Variants in LMTK3 observed in about 807,000 individuals in gnomAD.
The protein encoded by LMTK3 is serine/threonine-protein kinase LMTK3.
A neutral mutation model predicts 116.7 loss-of-function variants in LMTK3; 27 were observed. The observed-to-expected ratio is 0.23, with a 90% CI of 0.17 to 0.32. The LOEUF (loss-of-function observed/expected upper bound fraction) is 0.32. LMTK3 is among the 10% of genes least tolerant of loss of function. The probability of loss-of-function intolerance (pLI) is 1.00; values close to 1 mark genes in which losing one functional copy is unlikely to be tolerated. For missense variants in LMTK3, 1,764 were observed against 2,068.5 expected (o/e 0.85, Z 2.86); for synonymous variants, 965 against 971.0 (o/e 0.99, Z 0.11).
intron 5 of LMTK3, among the ~76,000 whole-genome samples, chr19:48,503,853 T>C (rs1428649371): frequency 2.0e-5 from 3 of 150,800 alleles, no homozygotes; most frequent in East Asian, 2.0e-4. Context: ...CTTCCTTCCT[T>C]CCTCCCTCCC....
chr19:48,494,144 G>A lies in LMTK3; in HGVS notation c.3677-35C>T, dbSNP rs1005436109. On this transcript the variant is annotated intron_variant, in intron 11 of 14. Transcript: ENST00000600059. The surrounding 1 kb of genome is among the most constrained non-coding windows in gnomAD (Gnocchi z 4.0). Reference sequence around the variant, plus strand: ...GAGAGACCTGGTGAGCCCCTGTCCCGGTGAAACTGAGGCAGGCCCTCCCAC... The same window carrying A: ...GAGAGACCTGGTGAGCCCCTGTCCCAGTGAAACTGAGGCAGGCCCTCCCAC... 3 of 1,150,628 alleles carry A rather than the reference G, an allele frequency of 2.6e-6. No homozygotes were observed. In the Admixed American group the frequency reaches 1.4e-4, roughly 54 times the overall value. 71.3% of individuals were successfully genotyped at this position (1,150,628 alleles called of 1,614,324 possible).
At position 48,494,143 on chromosome 19, in the gene LMTK3, C is replaced by A; in HGVS notation, c.3677-34G>T. 1 of 1,157,344 alleles carries A rather than the reference C, an allele frequency of 8.6e-7. No homozygotes were observed. Among genetic ancestry groups the A allele is most frequent in the South Asian group, 4.3e-5 (1 of 23,288 alleles). The allele number at this position is 1,157,344 out of a possible 1,614,324, so 71.7% of individuals were successfully genotyped here. On this transcript the variant is annotated intron_variant, in intron 11 of 14. Transcript: ENST00000600059. The surrounding 1 kb of genome is among the most constrained non-coding windows in gnomAD (Gnocchi z 4.0). ...GGAGAGACCTGGTGAGCCCCTGTCC[C>A]GGTGAAACTGAGGCAGGCCCTCCCA...
Position 48,497,460 on chromosome 19 carries a change from C to G in LMTK3, c.3609G>C (p.Lys1203Asn), listed in dbSNP as rs1217260104. 7.2e-6 allele frequency: 11 copies of G among 1,529,188 alleles called. No individual in the cohort carries two copies. Among genetic ancestry groups the G allele is most frequent in the Non-Finnish European group, 9.6e-6 (11 of 1,141,740 alleles). 94.7% of individuals were successfully genotyped at this position (1,529,188 alleles called of 1,614,324 possible). The change falls in exon 11 of 15, where the codon AAG (lysine) becomes AAC (asparagine). Residue 1203 changes from lysine (K) to asparagine (N), a missense_variant. Physicochemically the swap from Lys to Asn is moderately conservative, Grantham distance 94. Around this residue, in one of 7 missense-constraint regions of LMTK3, gnomAD observed 1,028 missense variants for 1,050.6 expected, o/e 0.98. Coordinates refer to ENST00000600059, the MANE Select transcript of LMTK3 (RefSeq NM_001388485.1). This position sits in a 1 kb window ranked among gnomAD's most constrained non-coding sequence, Gnocchi z 5.7. ...GDGDPPKPER[K>N]GPEMPRLFLD... ...AGAATAGTCGTGGCATCTCGGGGCC[C>G]TTCCTCTCGGGCTTGGGGGGGTCCC...
chr19:48,504,123 C>T (rs919603426), intron 5 of LMTK3, among the ~76,000 whole-genome samples: 2 of 152,188 alleles, frequency 1.3e-5, no homozygotes, highest in Non-Finnish European at 2.9e-5. Context: ...CCGCCTCAGC[C>T]TCCCAAAGTG....
intron 14 of LMTK3, among the ~76,000 whole-genome samples, chr19:48,490,240 CTGGCCAGGCCCGG>C (rs1244679410): frequency 6.6e-6 from 1 of 152,126 alleles, no homozygotes; most frequent in Non-Finnish European, 1.5e-5. Context: ...TGGGACCAGA[CTGGCCAGGCCCGG>C]TGGCTCACGC....
rs1292433513 is a variant in LMTK3, at chr19:48,499,161, C to T, written c.1908G>A (p.Pro636=). Residue 636 remains proline (P), a synonymous_variant, in exon 11 of 15, where the codon CCG becomes CCA. Transcript: ENST00000600059. ...AEVLGERGTA[P]WVEEEEEEEE... The stretch of plus-strand genomic sequence containing the variant: ...CCTCCTCCTCTTCTTCTTCCACCCA[C>T]GGGGCGGTCCCCCGCTCCCCCAAGA... 5.9e-6 allele frequency: 9 copies of T among 1,512,892 alleles called. No homozygotes were observed. The highest frequency in any genetic ancestry group is 7.1e-6 in the Non-Finnish European group (8 of 1,130,308). 93.7% of individuals were successfully genotyped at this position (1,512,892 alleles called of 1,614,324 possible).
chr19:48,502,864 T>C (rs1408145090), intron 6 of LMTK3, 45 bp downstream of exon 6: 2 of 1,434,280 alleles, frequency 1.4e-6, no homozygotes, highest in South Asian at 2.4e-5. Flanking sequence ...CCCGGCCTTG[T>C]CCAGCTGCCC....
At position 48,503,015 on chromosome 19, in the gene LMTK3, G is replaced by A. The variant is rs962881061; in HGVS notation, c.558-19C>T. 3.9e-6 allele frequency: 6 copies of A among 1,556,026 alleles called. No homozygotes were observed. Among genetic ancestry groups the A allele is most frequent in the Non-Finnish European group, 4.4e-6 (5 of 1,130,180 alleles). ...CAGGCTCCTGTGGAGTGAGGAGGTG[G>A]CTGAGTTGGGAAGGCAGCCCCTTCC... On this transcript the variant is annotated intron_variant, in intron 5 of 14. Transcript: ENST00000600059.
At chr19:48,493,335 C>T (rs553902266) in intron 12 of LMTK3, among the ~76,000 whole-genome samples, 6 of 147,646 alleles carry the variant, frequency 4.1e-5, no homozygotes, top group Non-Finnish European at 9.0e-5. Flanking sequence ...GGCTCCGCCC[C>T]CCAGCCCGCC....
rs759461680 is a variant in LMTK3, at chr19:48,497,689, G to C, written c.3380C>G (p.Pro1127Arg). 11 of 1,315,112 alleles carry C rather than the reference G, an allele frequency of 8.4e-6. No homozygotes were observed. Among genetic ancestry groups the C allele is most frequent in the Middle Eastern group, 2.2e-4 (1 of 4,612 alleles). 81.5% of individuals were successfully genotyped at this position (1,315,112 alleles called of 1,614,324 possible). A position where few individuals can be genotyped will look rare whatever the true frequency, so the allele number is the denominator to read the frequency against. ...GGCCTTTGCGTCCACGCCGCTTCCG[G>C]GGCCGCCGCCGGGGGCCGTCCCCGT... ...VGTGTAPGGG[P>R]GSGVDAKAGW... The change falls in exon 11 of 15, where the codon CCC becomes CGC. Residue 1127 changes from proline (P) to arginine (R), a missense_variant. By Grantham distance (103) the Pro-to-Arg change is moderately radical (BLOSUM62 -2). Around this residue, in one of 7 missense-constraint regions of LMTK3, gnomAD observed 1,028 missense variants for 1,050.6 expected, o/e 0.98. Coordinates refer to ENST00000600059, the MANE Select transcript of LMTK3 (RefSeq NM_001388485.1). The surrounding 1 kb of genome is among the most constrained non-coding windows in gnomAD (Gnocchi z 5.7).
intron 5 of LMTK3, among the ~76,000 whole-genome samples, chr19:48,507,529 T>A (rs1972591021): frequency 6.6e-6 from 1 of 152,238 alleles, no homozygotes; most frequent in Admixed American, 6.5e-5. Flanking sequence ...CACAGGTGGC[T>A]ATTGAGCACT....
Position 48,498,783 on chromosome 19 carries a change from G to T in LMTK3, c.2286C>A (p.Ala762=). ...APPPPPPPPR[A]PADPAASPDP... ...CGGGGGACGCGGCCGGGTCCGCGGG[G>T]GCCCGAGGAGGTGGCGGCGGGGGGG... is the stretch of plus-strand genomic sequence containing the variant. The change falls in exon 11 of 15, where the codon GCC becomes GCA. Residue 762 remains alanine, a synonymous_variant. Transcript: ENST00000600059. 2.3e-6 allele frequency: 3 copies of T among 1,310,930 alleles called. No homozygotes were observed. Among genetic ancestry groups the T allele is most frequent in the Non-Finnish European group, 3.0e-6 (3 of 1,010,830 alleles). The allele number at this position is 1,310,930 out of a possible 1,614,324, so 81.2% of individuals were successfully genotyped here.
intron 14 of LMTK3, among the ~76,000 whole-genome samples, chr19:48,490,402 T>G (rs1972201153): frequency 6.6e-6 from 1 of 151,938 alleles, no homozygotes; most frequent in Non-Finnish European, 1.5e-5. Flanking sequence ...GGTGCACTCC[T>G]GTGAACCCAG....
rs540231799 is a variant in LMTK3 at position 48,485,660 on chromosome 19, G to A, written c.*113C>T. 3.1e-4 allele frequency: 376 copies of A among 1,195,272 alleles called. No homozygotes were observed. The highest frequency in any genetic ancestry group is 1.3e-3 in the Middle Eastern group (5 of 3,864). The allele number at this position is 1,195,272 out of a possible 1,614,324, so 74.0% of individuals were successfully genotyped here. ...AGTGGGAGGGGGAGGGCCCAGCCTC[G>A]GGGGCCTCCCCAGAGGCGGCGTCTG... On this transcript the variant is annotated 3_prime_UTR_variant, in exon 15 of 15. Transcript: ENST00000600059.
intron 5 of LMTK3, among the ~76,000 whole-genome samples, chr19:48,503,961 G>A (rs957866571): frequency 2.7e-5 from 4 of 147,334 alleles, no homozygotes; most frequent in South Asian, 2.4e-4. Flanking sequence ...TCCACCTCCC[G>A]GGTTCAAGCG....
chr19:48,507,946 G>A (rs375670447), intron 5 of LMTK3, among the ~76,000 whole-genome samples: 27 of 152,182 alleles, frequency 1.8e-4, no homozygotes, highest in African/African-American at 5.6e-4. Context: ...TGGAAGGAGG[G>A]GAGGAGTAAG....
intron 2 of LMTK3, 121 bp downstream of exon 2, chr19:48,510,338 G>T (rs1700347525): frequency 1.4e-6 from 2 of 1,442,850 alleles, no homozygotes; most frequent in Admixed American, 2.5e-5. Flanking sequence ...TCTTGCCATA[G>T]CTTCAAGCTG....
chr19:48,510,006 A>G lies in LMTK3; in HGVS notation c.361+17T>C. ...CCCGGGACACCATGGGATGCTGGTC[A>G]TGGCGTGGGGCAGTACCTGAGTGTG... On this transcript the variant is annotated intron_variant, in intron 3 of 14. Transcript: ENST00000600059. 6.2e-7 allele frequency: 1 copy of G among 1,612,332 alleles called. No homozygotes were observed. Among genetic ancestry groups the G allele is most frequent in the Non-Finnish European group, 8.5e-7 (1 of 1,178,706 alleles).
At chr19:48,506,317 T>TCTC in intron 5 of LMTK3, among the ~76,000 whole-genome samples, 1 of 151,358 alleles carries the variant, frequency 6.6e-6, no homozygotes, top group East Asian at 1.9e-4. Context: ...GGGGGTGAGC[T>TCTC]CTCCTAGGAT....
Sources: allele counts gnomAD v4.1 joint callset (sites outside exome capture counted in the v4.1 genomes callset), GRCh38; gene constraint gnomAD v4.1.1; regional missense constraint gnomAD v4.1.1; non-coding constraint Gnocchi (gnomAD v3.1); transcripts MANE v1.5; gene names NCBI Gene and HGNC (gene_info 2026-07-23, HGNC 2026-07-21).